The following NCAM1 variants were observed in gnomAD, a reference collection of about 807,000 sequenced individuals.
NCAM1 encodes neural cell adhesion molecule 1, also known as antigen recognized by monoclonal antibody 5.1H11.
NCAM1 carries 14 observed loss-of-function variants against 109.8 expected under a neutral mutation model. That is an observed-to-expected ratio of 0.13 (90% CI 0.08 to 0.20). NCAM1 has a LOEUF of 0.20. Among genes scored for constraint, NCAM1 ranks in the 10% least tolerant of loss-of-function variants. The probability of loss-of-function intolerance (pLI) is 1.00; values close to 1 mark genes in which losing one functional copy is unlikely to be tolerated. For missense variants in NCAM1, 774 were observed against 1,109.9 expected, an observed-to-expected ratio of 0.70 and a Z score of 4.30; for synonymous variants, 418 against 442.9, an observed-to-expected ratio of 0.94 and a Z score of 0.70.
intron 1 of NCAM1, among the ~76,000 whole-genome samples, chr11:113,029,839 GA>G (rs1265092954): frequency 6.6e-6 from 1 of 152,182 alleles, no homozygotes; most frequent in East Asian, 1.9e-4. Flanking sequence ...ACTGGTGGAG[GA>G]AAAACTTTGC....
At chr11:113,127,304 C>T (rs1941217123) in intron 1 of NCAM1, among the ~76,000 whole-genome samples, 1 of 152,184 alleles carries the variant, frequency 6.6e-6, no homozygotes, top group Non-Finnish European at 1.5e-5. Flanking sequence ...TTAAAATAAA[C>T]AAGAGCTTAT....
At position 113,205,524 on chromosome 11, in the gene NCAM1, G is replaced by A. The variant is rs1944210637; in HGVS notation, c.348G>A (p.Gln116=). The part of the protein sequence containing the change: ...SEATVNVKIF[Q]KLMFKNAPTP... ...CTCACTCTTCTGTTCATCTTCCAGAGAAGCTCATGTTCAAGAATGCGCCAA... is the reference window on the plus strand; with the variant it reads ...CTCACTCTTCTGTTCATCTTCCAGAAAAGCTCATGTTCAAGAATGCGCCAA... The change falls in exon 4 of 20, where the codon CAG becomes CAA. Residue 116 remains glutamine (Q), a splice_region_variant and synonymous_variant. Coordinates refer to ENST00000316851, the MANE Select transcript of NCAM1 (RefSeq NM_181351.5). 1 of 1,610,564 alleles carries A rather than the reference G, an allele frequency of 6.2e-7. No individual in the cohort carries two copies. Among genetic ancestry groups the A allele is most frequent in the Non-Finnish European group, 8.5e-7 (1 of 1,178,680 alleles).
chr11:113,214,209 T>C (rs77656970), intron 7 of NCAM1, among the ~76,000 whole-genome samples, 160 bp from the exon 8 acceptor site: 108 of 152,348 alleles, frequency 7.1e-4, no homozygotes, highest in African/African-American at 2.4e-3. Context: ...GCCTACATCA[T>C]TGTAAGCCTT....
At chr11:113,073,873 C>T (rs1217661134) in intron 1 of NCAM1, among the ~76,000 whole-genome samples, 3 of 152,214 alleles carry the variant, frequency 2.0e-5, no homozygotes, top group Non-Finnish European at 4.4e-5. Context: ...ATCTGAAGCA[C>T]TCACCTGTAA....
At chr11:113,080,653 A>G (rs1419845365) in intron 1 of NCAM1, among the ~76,000 whole-genome samples, 6 of 152,202 alleles carry the variant, frequency 3.9e-5, no homozygotes. Flanking sequence ...GCTCTGGATT[A>G]TAGAACAGTA....
intron 1 of NCAM1, among the ~76,000 whole-genome samples, chr11:113,143,125 C>T (rs559980044): frequency 2.0e-5 from 3 of 152,270 alleles, no homozygotes; most frequent in South Asian, 2.1e-4. Context: ...AAAATTAACA[C>T]GAATTCTCTA....
At chr11:113,214,723 T>A (rs528399400) in intron 8 of NCAM1, among the ~76,000 whole-genome samples, 5 of 152,124 alleles carry the variant, frequency 3.3e-5, no homozygotes, top group Admixed American at 1.3e-4. Context: ...TTGGATAGGT[T>A]GGTGGGGGCG....
At chr11:112,980,029 G>A (rs1951112100) in intron 1 of NCAM1, among the ~76,000 whole-genome samples, 1 of 151,462 alleles carries the variant, frequency 6.6e-6, no homozygotes, top group African/African-American at 2.4e-5. Context: ...CCTGATAAAG[G>A]GCATCTATGA....
chr11:113,023,330 A>G (rs1773112669), intron 1 of NCAM1, among the ~76,000 whole-genome samples: 1 of 152,240 alleles, frequency 6.6e-6, no homozygotes, highest in Admixed American at 6.5e-5. Flanking sequence ...GCAAGCCAAA[A>G]GGAAAGATGT....
intron 1 of NCAM1, among the ~76,000 whole-genome samples, chr11:112,967,760 A>C (rs1555065863): frequency 6.6e-6 from 1 of 152,196 alleles, no homozygotes; most frequent in African/African-American, 2.4e-5. Context: ...AGGCTTAAAA[A>C]ATTGGTCACT....
At chr11:113,185,965 G>C (rs767130738) in intron 1 of NCAM1, among the ~76,000 whole-genome samples, 4 of 152,304 alleles carry the variant, frequency 2.6e-5, no homozygotes, top group Admixed American at 2.6e-4. Flanking sequence ...CCCTGGTCCA[G>C]AGCCTGCCCC....
At chr11:113,058,393 T>A (rs1352850180) in intron 1 of NCAM1, among the ~76,000 whole-genome samples, 3 of 152,088 alleles carry the variant, frequency 2.0e-5, no homozygotes, top group Non-Finnish European at 4.4e-5. Flanking sequence ...GGGAGCCCGA[T>A]AGAAAAGGTT....
chr11:113,081,054 G>A (rs1938787940), intron 1 of NCAM1, among the ~76,000 whole-genome samples: 1 of 152,150 alleles, frequency 6.6e-6, no homozygotes, highest in Admixed American at 6.5e-5. Context: ...CACATATGCT[G>A]TTTCATTTAG....
intron 1 of NCAM1, among the ~76,000 whole-genome samples, chr11:113,041,590 C>T (rs142652873): frequency 2.0e-5 from 3 of 152,120 alleles, no homozygotes; most frequent in Admixed American, 6.5e-5. Context: ...ATGGTAGACC[C>T]GCTCATCAGG....
intron 16 of NCAM1, among the ~76,000 whole-genome samples, chr11:113,257,434 T>G (rs1945861067): frequency 6.6e-6 from 1 of 152,268 alleles, no homozygotes; most frequent in Admixed American, 6.5e-5. Context: ...GTTATAAAGA[T>G]GCATTATAAT....
intron 1 of NCAM1, among the ~76,000 whole-genome samples, chr11:112,993,608 T>A (rs1231378279): frequency 6.6e-6 from 1 of 152,232 alleles, no homozygotes; most frequent in African/African-American, 2.4e-5. Flanking sequence ...CTTCTTCCAA[T>A]TGTTAACATT....
At chr11:113,025,624 G>T (rs1952515054) in intron 1 of NCAM1, among the ~76,000 whole-genome samples, 1 of 151,834 alleles carries the variant, frequency 6.6e-6, no homozygotes, top group East Asian at 1.9e-4. Context: ...AACAAAGAAA[G>T]TGCCCTCTGA....
chr11:112,999,758 G>C (rs1388021421), intron 1 of NCAM1, among the ~76,000 whole-genome samples: 2 of 152,146 alleles, frequency 1.3e-5, no homozygotes, highest in Non-Finnish European at 2.9e-5. Context: ...CAGTGTGCCT[G>C]TTACAACAGC....
intron 1 of NCAM1, among the ~76,000 whole-genome samples, chr11:112,985,738 A>C (rs1443972219): frequency 6.6e-6 from 1 of 151,814 alleles, no homozygotes; most frequent in Non-Finnish European, 1.5e-5. Flanking sequence ...AATATTACTG[A>C]TTTTTGTATG....
Sources: allele counts gnomAD v4.1 joint callset (sites outside exome capture counted in the v4.1 genomes callset), GRCh38; gene constraint gnomAD v4.1.1; transcripts MANE v1.5; gene names NCBI Gene and HGNC (gene_info 2026-07-23, HGNC 2026-07-21).